ANKRD11: variants seen among roughly 807,000 people sequenced by gnomAD.
ANKRD11 encodes ankyrin repeat domain-containing protein 11.
ANKRD11 carries 17 observed loss-of-function variants against 195.7 expected under a neutral mutation model. The ratio of observed to expected loss-of-function variants is 0.09; its 90% CI spans 0.06 to 0.13. The LOEUF (loss-of-function observed/expected upper bound fraction) is 0.13. ANKRD11 is among the 10% of genes least tolerant of loss of function. ANKRD11 has a pLI of 1.00. For missense variants in ANKRD11, 3,735 were observed against 3,566.1 expected, an observed-to-expected ratio of 1.05 and a Z score of -1.21; for synonymous variants, 1,953 against 1,528.1, an observed-to-expected ratio of 1.28 and a Z score of -6.49.
chr16:89,342,778 T>C (rs1240711036), intron 2 of ANKRD11, among the ~76,000 whole-genome samples: 1 of 152,198 alleles, frequency 6.6e-6, no homozygotes, highest in Non-Finnish European at 1.5e-5. Flanking sequence ...AAACACACAA[T>C]TGCATGTTAA....
intron 3 of ANKRD11, chr16:89,313,560 T>C: frequency 1.6e-6 from 2 of 1,289,188 alleles, no homozygotes; most frequent in Non-Finnish European, 2.0e-6. Flanking sequence ...CACGTATATG[T>C]CACTGAGATC....
At chr16:89,398,304 C>T in intron 2 of ANKRD11, among the ~76,000 whole-genome samples, 1 of 149,070 alleles carries the variant, frequency 6.7e-6, no homozygotes, top group Admixed American at 6.7e-5. Flanking sequence ...GGGAGGCTGA[C>T]ATGAGGGACA....
chr16:89,329,931 C>T (rs548551383), intron 2 of ANKRD11, among the ~76,000 whole-genome samples: 82 of 151,534 alleles, frequency 5.4e-4, no homozygotes, highest in Non-Finnish European at 1.0e-3. Context: ...CAGAGGCTGC[C>T]GTGAGCAGAG....
At chr16:89,275,470 G>T (rs148467461) in intron 9 of ANKRD11, among the ~76,000 whole-genome samples, 9 of 152,232 alleles carry the variant, frequency 5.9e-5, no homozygotes, top group African/African-American at 2.2e-4. Flanking sequence ...GGGCCATCGT[G>T]TGCCAAGGAG....
chr16:89,471,719 A>AG (rs1208869844), intron 1 of ANKRD11, among the ~76,000 whole-genome samples: 2 of 136,512 alleles, frequency 1.5e-5, no homozygotes, highest in Non-Finnish European at 3.1e-5. Flanking sequence ...CAGGAGGCAG[A>AG]GGTTGCAGTG....
intron 2 of ANKRD11, among the ~76,000 whole-genome samples, chr16:89,401,049 C>T (rs554131340): frequency 2.4e-4 from 36 of 152,260 alleles, no homozygotes; most frequent in African/African-American, 8.2e-4. Context: ...AACACGCTGG[C>T]CCTCAAGTTG....
chr16:89,285,005 A>G lies in ANKRD11; in HGVS notation c.1537T>C (p.Ser513Pro). The change falls in exon 9 of 13, where the codon TCC becomes CCC. Residue 513 changes from serine to proline, a missense_variant. By Grantham distance (74) the Ser-to-Pro change is moderately conservative. Transcript: ENST00000301030. The surrounding 1 kb of genome is among the most constrained non-coding windows in gnomAD (Gnocchi z 5.6). The part of the protein sequence containing the change: ...KGSPLVLKDP[S>P]LFSSLSASST... ...GAGGCAGAGAGGGAGCTGAACAGGG[A>G]GGGGTCCTTCAGCACCAGCGGGGAC... is the stretch of plus-strand genomic sequence containing the variant. The G allele has an allele frequency of 6.2e-7, 1 of 1,613,978 alleles. No individual in the cohort carries two copies. Among genetic ancestry groups the G allele is most frequent in the Non-Finnish European group, 8.5e-7 (1 of 1,179,978 alleles).
chr16:89,369,502 C>T (rs1051781817), intron 2 of ANKRD11, among the ~76,000 whole-genome samples: 2 of 152,220 alleles, frequency 1.3e-5, no homozygotes, highest in African/African-American at 4.8e-5. Flanking sequence ...CCGTATCAGA[C>T]ACAAAGGCCC....
chr16:89,432,553 T>C (rs2043026619), intron 1 of ANKRD11, among the ~76,000 whole-genome samples: 1 of 152,136 alleles, frequency 6.6e-6, no homozygotes, highest in South Asian at 2.1e-4. Flanking sequence ...AAACTCCTAT[T>C]CATTCTTCAA....
In ANKRD11 at chr16:89,468,313, C is replaced by T. The variant is rs541777501; in HGVS notation, c.-145+21932G>A. ...ATCACCTTCTCACCCACACCTGCAACGTGAGTGCAGCTCCTCCAATCATGA... is the reference window on the plus strand; with the variant it reads ...ATCACCTTCTCACCCACACCTGCAATGTGAGTGCAGCTCCTCCAATCATGA... On this transcript the variant is annotated intron_variant, in intron 1 of 12. Coordinates refer to ENST00000301030, the MANE Select transcript of ANKRD11 (RefSeq NM_013275.6). Among the ~76,000 whole-genome samples, 24 of 152,300 alleles carry T rather than the reference C, an allele frequency of 1.6e-4. 1 individual carries two copies. The South Asian group carries it at 4.1e-3, about 26-fold the overall frequency.
At chr16:89,335,211 G>A (rs1484172885) in intron 2 of ANKRD11, among the ~76,000 whole-genome samples, 1 of 152,134 alleles carries the variant, frequency 6.6e-6, no homozygotes, top group African/African-American at 2.4e-5. Flanking sequence ...CCATTGTCCT[G>A]GCGTTCCATG....
chr16:89,462,066 CT>C (rs1252807982), intron 1 of ANKRD11, among the ~76,000 whole-genome samples: 1 of 141,180 alleles, frequency 7.1e-6, no homozygotes, highest in Non-Finnish European at 1.6e-5. Context: ...CTCTCCCTCT[CT>C]CCCTCTCCCT....
chr16:89,391,089 G>A (rs75729093), intron 2 of ANKRD11, among the ~76,000 whole-genome samples: 5 of 152,062 alleles, frequency 3.3e-5, no homozygotes, highest in African/African-American at 7.2e-5. Context: ...TTAGCCGGGC[G>A]CGGTGGTGGG....
At chr16:89,420,877 TCATTTAGAATACATGTTCA>T (rs2152240700) in intron 1 of ANKRD11, among the ~76,000 whole-genome samples, 1 of 152,284 alleles carries the variant, frequency 6.6e-6, no homozygotes, top group African/African-American at 2.4e-5. Flanking sequence ...AAAAAAAGCT[TCATTTAGAATACATGTTCA>T]CATCAAAACC....
intron 9 of ANKRD11, among the ~76,000 whole-genome samples, chr16:89,276,772 T>C (rs2033690471): frequency 6.6e-6 from 1 of 152,136 alleles, no homozygotes; most frequent in East Asian, 1.9e-4. Flanking sequence ...AAATTAATGA[T>C]TTAGGCCGAG....
intron 1 of ANKRD11, among the ~76,000 whole-genome samples, chr16:89,467,799 T>G (rs2056935511): frequency 6.6e-6 from 1 of 151,906 alleles, no homozygotes; most frequent in South Asian, 2.1e-4. Flanking sequence ...ACCCACAGTG[T>G]TTTGTTTTGT....
Position 89,279,150 on chromosome 16 carries a change from C to T in ANKRD11, c.7392G>A (p.Gln2464=). Reference sequence around the variant, plus strand: ...TGTAGGTGACGTACTCGGCGTAGCACTGGGGCGCCTGCGGCGTGATACAGC... The same window carrying T: ...TGTAGGTGACGTACTCGGCGTAGCATTGGGGCGCCTGCGGCGTGATACAGC... ...ILCCITPQAP[Q]CYAEYVTYTG... is the part of the protein sequence containing the mutation. The change falls in exon 9 of 13, where the codon CAG becomes CAA. Residue 2464 remains glutamine, a synonymous_variant. Coordinates refer to ENST00000301030, the MANE Select transcript of ANKRD11 (RefSeq NM_013275.6). The surrounding 1 kb of genome is among the most constrained non-coding windows in gnomAD (Gnocchi z 5.6). The T allele has an allele frequency of 1.2e-6, 2 of 1,613,710 alleles. No homozygotes were observed. Among genetic ancestry groups the T allele is most frequent in the Non-Finnish European group, 1.7e-6 (2 of 1,180,014 alleles).
intron 1 of ANKRD11, among the ~76,000 whole-genome samples, chr16:89,427,875 C>T (rs1269730209): frequency 6.6e-6 from 1 of 151,636 alleles, no homozygotes; most frequent in Admixed American, 6.6e-5. Context: ...CAAAATAAAA[C>T]AAGGGCACTG....
chr16:89,337,613 A>AT (rs1313171982), intron 2 of ANKRD11, among the ~76,000 whole-genome samples: 3 of 150,700 alleles, frequency 2.0e-5, no homozygotes, highest in Non-Finnish European at 4.4e-5. Context: ...ATTTTTTTGT[A>AT]TTTTTTATAG....
Sources: gnomAD v4.1 joint callset for allele counts (sites outside exome capture counted in the v4.1 genomes callset) on GRCh38, gnomAD v4.1.1 for gene constraint, Gnocchi (gnomAD v3.1) non-coding constraint, MANE v1.5 for transcripts, NCBI Gene and HGNC (gene_info 2026-07-23, HGNC 2026-07-21) for gene names.